HIVEP3: variants seen among roughly 807,000 people sequenced by gnomAD.
HIVEP3 encodes the protein transcription factor HIVEP3.
In HIVEP3, 49 loss-of-function variants were observed where a neutral mutation model predicts 152.8. The ratio of observed to expected loss-of-function variants is 0.32; its 90% confidence interval spans 0.26 to 0.41. HIVEP3 has a LOEUF of 0.41. Among genes scored for constraint, HIVEP3 ranks in the 10% least tolerant of loss-of-function variants. HIVEP3 has a pLI of 1.00. For missense variants in HIVEP3, 2,790 were observed against 3,103.3 expected (o/e 0.90, Z 2.40); for synonymous variants, 1,269 against 1,289.0 (o/e 0.98, Z 0.33).
intron 1 of HIVEP3, among the ~76,000 whole-genome samples, chr1:41,713,541 C>A (rs1646545751): frequency 6.6e-6 from 1 of 152,220 alleles, no homozygotes; most frequent in African/African-American, 2.4e-5. Context: ...AGGATAATCA[C>A]CAAATACCCC....
chr1:41,686,762 G>T (rs143449969), intron 2 of HIVEP3, among the ~76,000 whole-genome samples: 4 of 152,284 alleles, frequency 2.6e-5, no homozygotes, highest in African/African-American at 9.6e-5. Flanking sequence ...GCTGCTATGA[G>T]TCCCTGGTTC....
intron 1 of HIVEP3, among the ~76,000 whole-genome samples, chr1:41,839,196 G>A (rs1643213475): frequency 6.6e-6 from 1 of 152,124 alleles, no homozygotes. Context: ...GAGGGAAGGT[G>A]GAGCCCTGAG....
At chr1:41,545,173 C>T (rs1205214454) in intron 5 of HIVEP3, among the ~76,000 whole-genome samples, 7 of 136,838 alleles carry the variant, frequency 5.1e-5, no homozygotes, top group African/African-American at 2.0e-4. Context: ...ACCATCGCTA[C>T]CATTACCACC....
rs1040031970 is a variant in HIVEP3, at chr1:41,678,535, C to T, written c.-721+22381G>A. On this transcript the variant is annotated intron_variant, in intron 2 of 8. Transcript: ENST00000372583. ...CTTCCCAGGGGTGGCCTCCGGCTCG[C>T]GCTCCTCTCCACCCACACACCTCTT... Among the ~76,000 whole-genome samples, 8 of 151,360 alleles carry T rather than the reference C, an allele frequency of 5.3e-5. 1 individual carries two copies. The highest frequency in any genetic ancestry group is 1.2e-4 in the African/African-American group (5 of 40,688).
intron 6 of HIVEP3, among the ~76,000 whole-genome samples, chr1:41,521,506 T>C (rs570848632): frequency 6.6e-6 from 1 of 152,180 alleles, no homozygotes; most frequent in Non-Finnish European, 1.5e-5. Context: ...CCTCTGTGAC[T>C]TCCCCTCTCC....
At chr1:41,881,214 G>A (rs1414385346) in intron 1 of HIVEP3, among the ~76,000 whole-genome samples, 1 of 152,194 alleles carries the variant, frequency 6.6e-6, no homozygotes. Flanking sequence ...TCTAATACAG[G>A]TCAGGGGTGA....
intron 1 of HIVEP3, among the ~76,000 whole-genome samples, chr1:41,971,850 G>A (rs1645231790): frequency 1.3e-5 from 2 of 152,168 alleles, no homozygotes; most frequent in African/African-American, 2.4e-5. Context: ...TGTCATGGAT[G>A]AATTAGTGCC....
intron 1 of HIVEP3, among the ~76,000 whole-genome samples, chr1:41,987,176 T>C (rs967546363): frequency 2.0e-5 from 3 of 152,176 alleles, no homozygotes; most frequent in East Asian, 1.9e-4. Flanking sequence ...TAGTGATAAA[T>C]CTATAAACAT....
chr1:41,625,055 T>C (rs10749839), intron 3 of HIVEP3, among the ~76,000 whole-genome samples: 89,655 of 150,506 alleles, frequency 0.6, 27,388 homozygotes, highest in African/African-American at 0.75. Context: ...CCCAGCTATT[T>C]GGGAGGCTGA....
At chr1:41,897,487 C>T (rs180929583) in intron 1 of HIVEP3, among the ~76,000 whole-genome samples, 1 of 152,286 alleles carries the variant, frequency 6.6e-6, no homozygotes, top group Admixed American at 6.5e-5. Flanking sequence ...ACGTAGAAGG[C>T]ATCTTTTCTG....
At chr1:41,912,245 A>G (rs1001148934) in intron 1 of HIVEP3, among the ~76,000 whole-genome samples, 2 of 152,328 alleles carry the variant, frequency 1.3e-5, no homozygotes, top group African/African-American at 2.4e-5. Context: ...TTCAAGTAAC[A>G]TTCTTTTTCT....
chr1:41,673,725 G>A (rs1436217839), intron 2 of HIVEP3, among the ~76,000 whole-genome samples: 1 of 152,196 alleles, frequency 6.6e-6, no homozygotes, highest in Non-Finnish European at 1.5e-5. Flanking sequence ...AATAAATCAA[G>A]TTTGGTTGTG....
intron 5 of HIVEP3, among the ~76,000 whole-genome samples, chr1:41,551,469 G>T (rs1039440285): frequency 2.0e-5 from 3 of 152,090 alleles, no homozygotes; most frequent in Admixed American, 1.3e-4. Context: ...GCTCCTCTTT[G>T]TACCTCTGGT....
chr1:41,967,698 G>C (rs1008020100), intron 1 of HIVEP3, among the ~76,000 whole-genome samples: 1 of 152,084 alleles, frequency 6.6e-6, no homozygotes, highest in African/African-American at 2.4e-5. Flanking sequence ...ACTGAGATCA[G>C]AGCAGAACTG....
At chr1:41,622,739 A>T (rs1645064319) in intron 3 of HIVEP3, among the ~76,000 whole-genome samples, 1 of 151,916 alleles carries the variant, frequency 6.6e-6, no homozygotes, top group Non-Finnish European at 1.5e-5. Flanking sequence ...CGTTTCTATC[A>T]CTCTCGGATC....
At chr1:41,953,431 T>C (rs767396656) in intron 1 of HIVEP3, among the ~76,000 whole-genome samples, 2 of 152,164 alleles carry the variant, frequency 1.3e-5, no homozygotes, top group Non-Finnish European at 2.9e-5. Context: ...TCTATGAGGA[T>C]TAAATGAGAT....
chr1:41,893,631 C>A (rs917042835), intron 1 of HIVEP3, among the ~76,000 whole-genome samples: 3 of 151,992 alleles, frequency 2.0e-5, no homozygotes, highest in African/African-American at 7.2e-5. Flanking sequence ...ATTCTAACAT[C>A]ACTGCTGACT....
intron 1 of HIVEP3, among the ~76,000 whole-genome samples, chr1:41,823,458 C>T (rs1642666387): frequency 6.6e-6 from 1 of 152,212 alleles, no homozygotes; most frequent in Admixed American, 6.5e-5. Context: ...CAGATAAGAA[C>T]CCAGTTCATC....
At chr1:41,625,161 T>C (rs1645098807) in intron 3 of HIVEP3, among the ~76,000 whole-genome samples, 3 of 13,542 alleles carry the variant, frequency 2.2e-4, no homozygotes, top group African/African-American at 3.8e-4. Context: ...AGATTCCAAC[T>C]CAAAAAAAAA....
Sources: gnomAD v4.1 joint callset for allele counts (sites outside exome capture counted in the v4.1 genomes callset) on GRCh38, gnomAD v4.1.1 for gene constraint, MANE v1.5 for transcripts, NCBI Gene and HGNC (gene_info 2026-07-23, HGNC 2026-07-21) for gene names.